Variants in PDE8B observed in about 807,000 individuals in gnomAD.
The protein encoded by PDE8B is phosphodiesterase 8B, also known as high affinity cAMP-specific and IBMX-insensitive 3',5'-cyclic phosphodiesterase 8B.
A neutral mutation model predicts 101.3 loss-of-function variants in PDE8B; 26 were observed. The observed-to-expected ratio is 0.26, with a 90% confidence interval of 0.19 to 0.36. The LOEUF (loss-of-function observed/expected upper bound fraction) is 0.36, where lower values mean the gene tolerates loss of function less well. Ranked by LOEUF, PDE8B falls within the 10% of genes least tolerant of loss-of-function variation. The pLI, the probability that PDE8B is intolerant of heterozygous loss-of-function variation, is 1.00. For missense variants in PDE8B, 810 were observed against 1,163.1 expected (o/e 0.70, Z 4.42); for synonymous variants, 424 against 429.3 (o/e 0.99, Z 0.15).
intron 1 of PDE8B, among the ~76,000 whole-genome samples, chr5:77,283,575 C>G (rs1268837616): frequency 6.6e-6 from 1 of 152,206 alleles, no homozygotes; most frequent in Non-Finnish European, 1.5e-5. Flanking sequence ...TGGTTGGAAT[C>G]ATACAGTATA....
chr5:77,333,342 G>A (rs1273845851), intron 5 of PDE8B, among the ~76,000 whole-genome samples: 1 of 152,190 alleles, frequency 6.6e-6, no homozygotes, highest in Admixed American at 6.5e-5. Context: ...GGTTGAGACA[G>A]ATTTTCTTTA....
chr5:77,167,676 T>A, the PDE8B span, among the ~76,000 whole-genome samples: 4 of 152,066 alleles, frequency 2.6e-5, no homozygotes, highest in Non-Finnish European at 1.5e-5. Flanking sequence ...GGAAGTCTGG[T>A]GAAAAGACAA....
intron 1 of PDE8B, among the ~76,000 whole-genome samples, chr5:77,255,451 A>G (rs576034969): frequency 6.6e-6 from 1 of 152,270 alleles, no homozygotes; most frequent in South Asian, 2.1e-4. Context: ...TTAATAATTT[A>G]GTATTTGAAT....
rs960515844 is a variant in PDE8B at position 77,422,128 on chromosome 5, C to A, written c.2418+140C>A. 14 of 904,018 alleles carry A rather than the reference C, an allele frequency of 1.5e-5. No individual in the cohort carries two copies. The Admixed American group carries it at 2.0e-4, about 13-fold the overall frequency. 56.0% of individuals were successfully genotyped at this position (904,018 alleles called of 1,614,324 possible). On this transcript the variant is annotated intron_variant, in intron 20 of 21. Coordinates refer to ENST00000264917, the MANE Select transcript of PDE8B (RefSeq NM_003719.5). ...TCCCTGGAAGAAAGCAGCTTACCCCCACCTGGGGTAGGCTTCTGGTTCCTT... is the reference window on the plus strand; with the variant it reads ...TCCCTGGAAGAAAGCAGCTTACCCCAACCTGGGGTAGGCTTCTGGTTCCTT...
chr5:77,164,768 A>T, the PDE8B span, among the ~76,000 whole-genome samples: 1 of 152,112 alleles, frequency 6.6e-6, no homozygotes, highest in Admixed American at 6.5e-5. Flanking sequence ...TGGGGGGAAC[A>T]TGTATCTTTG....
chr5:77,327,284 T>G (rs1323696375), intron 3 of PDE8B, among the ~76,000 whole-genome samples: 1 of 152,204 alleles, frequency 6.6e-6, no homozygotes, highest in Non-Finnish European at 1.5e-5. Context: ...CACCTTCTCC[T>G]TAGTCCTCTC....
chr5:77,249,184 A>T (rs931164690), intron 1 of PDE8B, among the ~76,000 whole-genome samples: 2 of 152,270 alleles, frequency 1.3e-5, no homozygotes, highest in African/African-American at 4.8e-5. Context: ...AAATGATGCC[A>T]CTAGTAGTTA....
At chr5:77,181,731 G>A in the PDE8B span, among the ~76,000 whole-genome samples, 1 of 152,168 alleles carries the variant, frequency 6.6e-6, no homozygotes, top group African/African-American at 2.4e-5. Context: ...GTGGCTGGGG[G>A]CATGCTGGCT....
At chr5:77,174,319 C>G in the PDE8B span, among the ~76,000 whole-genome samples, 1 of 152,208 alleles carries the variant, frequency 6.6e-6, no homozygotes, top group Non-Finnish European at 1.5e-5. Context: ...CTCACAGCCA[C>G]TGAGTCAGTC....
chr5:77,086,838 C>T, the PDE8B span: 1 of 152,330 alleles, frequency 6.6e-6, no homozygotes, highest in Admixed American at 6.5e-5. Flanking sequence ...GACGAATTTC[C>T]ACATTCCGAA....
At chr5:77,340,637 G>GTGTGTT (rs1451063220) in intron 6 of PDE8B, among the ~76,000 whole-genome samples, 1 of 148,972 alleles carries the variant, frequency 6.7e-6, no homozygotes, top group Admixed American at 6.7e-5. Context: ...GTGTGTGTGT[G>GTGTGTT]TGTGTTGTTT....
chr5:77,312,872 A>G (rs1772980963), intron 2 of PDE8B, among the ~76,000 whole-genome samples: 1 of 152,226 alleles, frequency 6.6e-6, no homozygotes, highest in Non-Finnish European at 1.5e-5. Context: ...GTAACACAGC[A>G]GGAACTTGTG....
chr5:77,417,299 T>C (rs891745839), intron 17 of PDE8B, among the ~76,000 whole-genome samples: 8 of 152,180 alleles, frequency 5.3e-5, no homozygotes, highest in African/African-American at 1.7e-4. Flanking sequence ...CCCATGGTTA[T>C]ACTCCCAAAG....
At chr5:77,386,754 T>C (rs1355442205) in intron 10 of PDE8B, among the ~76,000 whole-genome samples, 1 of 152,104 alleles carries the variant, frequency 6.6e-6, no homozygotes, top group Non-Finnish European at 1.5e-5. Flanking sequence ...TGTCTTTTAA[T>C]TGGGGCATTT....
At chr5:77,237,775 G>A (rs1250552999) in intron 1 of PDE8B, among the ~76,000 whole-genome samples, 1 of 152,018 alleles carries the variant, frequency 6.6e-6, no homozygotes, top group East Asian at 1.9e-4. Context: ...TTTAGAGCAG[G>A]TCTGTTGACA....
chr5:77,396,378 C>A (rs529634996), intron 10 of PDE8B, among the ~76,000 whole-genome samples: 28 of 152,366 alleles, frequency 1.8e-4, no homozygotes, highest in Middle Eastern at 6.8e-3. Context: ...AAGGCCCAAT[C>A]TGGCACTCTT....
intron 1 of PDE8B, among the ~76,000 whole-genome samples, chr5:77,214,909 A>G (rs1470371349): frequency 3.9e-5 from 6 of 152,102 alleles, no homozygotes; most frequent in African/African-American, 1.4e-4. Flanking sequence ...TTTGAGAACC[A>G]CTGCTTTTTA....
At chr5:77,233,699 T>TGTGTGTGCGC (rs979930633) in intron 1 of PDE8B, among the ~76,000 whole-genome samples, 1 of 146,886 alleles carries the variant, frequency 6.8e-6, no homozygotes, top group African/African-American at 2.5e-5. Context: ...TGTGTGTGTG[T>TGTGTGTGCGC]GCAGTAGACT....
intron 1 of PDE8B, among the ~76,000 whole-genome samples, chr5:77,267,541 G>A (rs1761982265): frequency 6.6e-6 from 1 of 152,128 alleles, no homozygotes; most frequent in South Asian, 2.1e-4. Flanking sequence ...TGTGCTGGAA[G>A]GGGGCTGTTG....
Sources: gnomAD v4.1 joint callset for allele counts (sites outside exome capture counted in the v4.1 genomes callset) on GRCh38, gnomAD v4.1.1 for gene constraint, MANE v1.5 for transcripts, NCBI Gene and HGNC (gene_info 2026-07-23, HGNC 2026-07-21) for gene names.